Variants in ALS2 observed in about 807,000 individuals in gnomAD.
ALS2 encodes alsin.
Under a neutral mutation model 203.4 loss-of-function variants are expected in ALS2, and 117 were observed. The observed-to-expected ratio is 0.58, with a 90% CI of 0.50 to 0.67. The LOEUF (loss-of-function observed/expected upper bound fraction) is 0.67, where lower values mean the gene tolerates loss of function less well. ALS2 is among the 30% of genes least tolerant of loss of function. The pLI is 0.00. For missense variants in ALS2, 1,715 were observed against 1,989.4 expected, an observed-to-expected ratio of 0.86 and a Z score of 2.62; for synonymous variants, 718 against 725.9, an observed-to-expected ratio of 0.99 and a Z score of 0.17.
At chr2:201,724,241 T>C (rs1193287708) in intron 21 of ALS2, 54 bp downstream of exon 21, 3 of 1,547,092 alleles carry the variant, frequency 1.9e-6, no homozygotes, top group Non-Finnish European at 2.7e-6. Context: ...TGTTAAATAA[T>C]GATGGTGCTT....
chr2:201,715,970 C>A, intron 24 of ALS2, 131 bp from the exon 25 acceptor site: 1 of 924,448 alleles, frequency 1.1e-6, no homozygotes, highest in African/African-American at 1.7e-5. Flanking sequence ...GATGGTAATT[C>A]TATTTTTAAA....
chr2:201,749,092 T>C (rs1692860349), intron 8 of ALS2, among the ~76,000 whole-genome samples: 1 of 152,016 alleles, frequency 6.6e-6, no homozygotes, highest in African/African-American at 2.4e-5. Flanking sequence ...GAGAATTTGG[T>C]ATTTCCTCAG....
chr2:201,737,190 T>C (rs975204355), intron 12 of ALS2, among the ~76,000 whole-genome samples: 2 of 152,178 alleles, frequency 1.3e-5, no homozygotes, highest in South Asian at 2.1e-4. Flanking sequence ...TTATATAGCA[T>C]TTATATTTTA....
At position 201,723,038 on chromosome 2, in the gene ALS2, C is replaced by T; in HGVS notation, c.3702+5G>A. On this transcript the variant is annotated splice_donor_5th_base_variant and intron_variant, in intron 23 of 33. Coordinates refer to ENST00000264276, the MANE Select transcript of ALS2 (RefSeq NM_020919.4). Reference sequence around the variant, plus strand: ...GGAGAAAAAAAAAGAAAGCTAGTTTCCAACCTTTCCACTAAGAGTCCAGTC... The same window carrying T: ...GGAGAAAAAAAAAGAAAGCTAGTTTTCAACCTTTCCACTAAGAGTCCAGTC... 1.9e-6 allele frequency: 3 copies of T among 1,599,962 alleles called. No individual in the cohort carries two copies. The highest frequency in any genetic ancestry group is 2.6e-6 in the Non-Finnish European group (3 of 1,171,478).
chr2:201,766,133 A>T (rs1435495639), intron 3 of ALS2, among the ~76,000 whole-genome samples: 1 of 152,238 alleles, frequency 6.6e-6, no homozygotes, highest in Non-Finnish European at 1.5e-5. Context: ...AGCTATTATT[A>T]GCATTAGTAT....
chr2:201,735,363 AAT>A (rs1691810999), intron 12 of ALS2, among the ~76,000 whole-genome samples: 1 of 152,226 alleles, frequency 6.6e-6, no homozygotes, highest in Non-Finnish European at 1.5e-5. Flanking sequence ...TAAAATGATA[AAT>A]ATGACATTAC....
intron 4 of ALS2, chr2:201,759,627 T>C (rs1693635381): frequency 1.0e-6 from 1 of 984,912 alleles, no homozygotes; most frequent in South Asian, 4.7e-5. Context: ...TCAGACTTTA[T>C]AATACCTTTC....
intron 25 of ALS2, 26 bp from the exon 26 acceptor site, chr2:201,711,134 T>C (rs867081432): frequency 2.9e-6 from 4 of 1,395,400 alleles, no homozygotes; most frequent in Middle Eastern, 3.5e-4. Flanking sequence ...GAAAAGTCTG[T>C]TGTATTTCAC....
intron 1 of ALS2, among the ~76,000 whole-genome samples, chr2:201,775,435 G>C (rs751965198): frequency 4.6e-5 from 7 of 152,124 alleles, no homozygotes; most frequent in Non-Finnish European, 8.8e-5. Flanking sequence ...AACAGAGTCT[G>C]GTATTTTACA....
chr2:201,707,109 G>T, intron 28 of ALS2, 87 bp from the exon 29 acceptor site: 1 of 1,284,300 alleles, frequency 7.8e-7, no homozygotes. Context: ...GTTTCAAAAA[G>T]TCAAAAGTAG....
chr2:201,729,240 G>T (rs1322723275), intron 13 of ALS2, 57 bp from the exon 14 acceptor site: 3 of 1,573,414 alleles, frequency 1.9e-6, no homozygotes, highest in East Asian at 4.6e-5. Context: ...CCATTATGCA[G>T]AATCTGTAGC....
chr2:201,710,742 T>A (rs1689981330), intron 26 of ALS2, among the ~76,000 whole-genome samples: 1 of 152,232 alleles, frequency 6.6e-6, no homozygotes, highest in Non-Finnish European at 1.5e-5. Flanking sequence ...AAAAAGCAAT[T>A]TAAAACTCTA....
chr2:201,714,623 T>C (rs1690250157), intron 25 of ALS2, among the ~76,000 whole-genome samples: 1 of 152,350 alleles, frequency 6.6e-6, no homozygotes, highest in South Asian at 2.1e-4. Flanking sequence ...GTAAGTGATA[T>C]TGAGAATCCC....
At chr2:201,760,656 A>G (rs1343635038) in intron 4 of ALS2, 4 of 1,348,444 alleles carry the variant, frequency 3.0e-6, no homozygotes, top group Admixed American at 3.5e-5. Flanking sequence ...AACAAGCCCA[A>G]CATGACACCT....
chr2:201,730,485 G>A (rs567535656), intron 13 of ALS2, among the ~76,000 whole-genome samples: 11 of 152,176 alleles, frequency 7.2e-5, no homozygotes, highest in Admixed American at 3.9e-4. Flanking sequence ...TCTAATTTTC[G>A]CTTAAAAGTT....
chr2:201,757,890 C>A (rs1209029163), intron 4 of ALS2, 131 bp from the exon 5 acceptor site: 10 of 692,188 alleles, frequency 1.4e-5, no homozygotes, highest in Non-Finnish European at 2.4e-5. Flanking sequence ...TTCTCTTCAT[C>A]TTCAACTAAA....
chr2:201,728,465 G>C (rs1340602922), intron 15 of ALS2, 47 bp downstream of exon 15: 1 of 1,600,070 alleles, frequency 6.2e-7, no homozygotes, highest in Admixed American at 1.7e-5. Flanking sequence ...AATAAGGATA[G>C]GGGTCCACCT....
At chr2:201,734,924 TA>T (rs141444632) in intron 12 of ALS2, among the ~76,000 whole-genome samples, 1 of 151,958 alleles carries the variant, frequency 6.6e-6, no homozygotes, top group African/African-American at 2.4e-5. Flanking sequence ...ATTTTTAAAA[TA>T]AAAAAATATT....
chr2:201,735,911 T>C (rs1334898702), intron 12 of ALS2, among the ~76,000 whole-genome samples: 1 of 152,208 alleles, frequency 6.6e-6, no homozygotes, highest in East Asian at 1.9e-4. Context: ...TCTTCAAGCA[T>C]TACTATTTGC....
Sources: gnomAD v4.1 joint callset for allele counts (sites outside exome capture counted in the v4.1 genomes callset) on GRCh38, gnomAD v4.1.1 for gene constraint, MANE v1.5 for transcripts, NCBI Gene and HGNC (gene_info 2026-07-23, HGNC 2026-07-21) for gene names.